COL5A2: variants seen among roughly 807,000 people sequenced by gnomAD.
COL5A2 encodes collagen alpha-2(V) chain.
Under a neutral mutation model 208.2 loss-of-function variants are expected in COL5A2, and 23 were observed. The ratio of observed to expected loss-of-function variants is 0.11; its 90% CI spans 0.08 to 0.16. The LOEUF (loss-of-function observed/expected upper bound fraction) is 0.16. Among genes scored for constraint, COL5A2 ranks in the 10% least tolerant of loss-of-function variants. The probability of loss-of-function intolerance (pLI) is 1.00; values close to 1 mark genes in which losing one functional copy is unlikely to be tolerated. For synonymous variants in COL5A2, 625 were observed against 628.5 expected (o/e 0.99, Z 0.08); for missense variants, 1,590 against 1,956.4 (o/e 0.81, Z 3.53).
chr2:189,392,297 G>A, the COL5A2 span, among the ~76,000 whole-genome samples: 1 of 151,994 alleles, frequency 6.6e-6, no homozygotes, highest in Non-Finnish European at 1.5e-5. Context: ...AACCAGAGCT[G>A]GAAATATCTA....
At chr2:189,433,628 C>A in the COL5A2 span, among the ~76,000 whole-genome samples, 3 of 152,184 alleles carry the variant, frequency 2.0e-5, no homozygotes, top group African/African-American at 7.2e-5. Context: ...CAAGACTAAA[C>A]CAGGAAGAAG....
the COL5A2 span, among the ~76,000 whole-genome samples, chr2:189,275,761 A>AT: frequency 6.6e-6 from 1 of 152,038 alleles, no homozygotes; most frequent in Non-Finnish European, 1.5e-5. Flanking sequence ...TAATTACATT[A>AT]TTTTTCAAAT....
rs755884906 is a variant in COL5A2, at chr2:189,052,160, A to G, written c.2769+12T>C. On this transcript the variant is annotated intron_variant, in intron 41 of 53. Coordinates refer to ENST00000374866, the MANE Select transcript of COL5A2 (RefSeq NM_000393.5). Reference sequence around the variant, plus strand: ...TTCATTATCAGTGACTTGTCTCACTAAGTTGACTTACAGCAGGGCCTGGAG... The same window carrying G: ...TTCATTATCAGTGACTTGTCTCACTGAGTTGACTTACAGCAGGGCCTGGAG... 6.2e-7 allele frequency: 1 copy of G among 1,612,224 alleles called. No individual in the cohort carries two copies. The highest frequency in any genetic ancestry group is 1.1e-5 in the South Asian group (1 of 90,988).
At chr2:189,371,768 T>C in the COL5A2 span, among the ~76,000 whole-genome samples, 107 of 152,328 alleles carry the variant, frequency 7.0e-4, no homozygotes, top group African/African-American at 2.5e-3. Flanking sequence ...AGAACTTATA[T>C]TTAAAAGGGA....
At chr2:189,137,445 G>C (rs944286180) in intron 1 of COL5A2, among the ~76,000 whole-genome samples, 2 of 152,216 alleles carry the variant, frequency 1.3e-5, no homozygotes, top group African/African-American at 4.8e-5. Flanking sequence ...CACAGGATTA[G>C]AGAAATCCAA....
At chr2:189,203,613 GT>G in intron 1 of COL5A2, among the ~76,000 whole-genome samples, 1 of 152,208 alleles carries the variant, frequency 6.6e-6, no homozygotes, top group East Asian at 1.9e-4. Context: ...CAGTTTCATG[GT>G]CGAGGCCACG....
the COL5A2 span, among the ~76,000 whole-genome samples, chr2:189,273,503 A>T: frequency 1.6e-4 from 25 of 152,158 alleles, no homozygotes; most frequent in African/African-American, 5.5e-4. Flanking sequence ...CTGAATATAC[A>T]GCCAAAGGAA....
chr2:189,376,161 T>G, the COL5A2 span, among the ~76,000 whole-genome samples: 2 of 152,234 alleles, frequency 1.3e-5, no homozygotes, highest in Non-Finnish European at 2.9e-5. Flanking sequence ...ATACTTAAAA[T>G]TTTTGCATAT....
chr2:189,218,720 T>TGA (rs2105876192), intron 1 of COL5A2, among the ~76,000 whole-genome samples: 1 of 152,312 alleles, frequency 6.6e-6, no homozygotes, highest in Non-Finnish European at 1.5e-5. Context: ...TGGAAAATTC[T>TGA]TCCAGTCATC....
the COL5A2 span, among the ~76,000 whole-genome samples, chr2:189,383,424 C>G: frequency 1.2e-3 from 183 of 152,248 alleles, 1 homozygote; most frequent in Non-Finnish European, 2.3e-3. Flanking sequence ...TTAATTACCA[C>G]TTTAACGACC....
the COL5A2 span, among the ~76,000 whole-genome samples, chr2:189,286,989 T>A: frequency 7.4e-4 from 112 of 152,236 alleles, no homozygotes; most frequent in African/African-American, 2.6e-3. Context: ...TTTAGAGTAA[T>A]ATCATAGTAT....
chr2:189,216,974 C>A (rs1689286870), intron 1 of COL5A2, among the ~76,000 whole-genome samples: 1 of 151,632 alleles, frequency 6.6e-6, no homozygotes, highest in Non-Finnish European at 1.5e-5. Context: ...AGGTAACTCT[C>A]AAAAGAGGAT....
the COL5A2 span, among the ~76,000 whole-genome samples, chr2:189,396,689 AAAG>A: frequency 7.9e-6 from 1 of 126,184 alleles, no homozygotes; most frequent in Non-Finnish European, 1.7e-5. Context: ...AAAAAAAAAA[AAAG>A]AATAAATGAG....
At chr2:189,160,714 T>C (rs921309192) in intron 1 of COL5A2, among the ~76,000 whole-genome samples, 2 of 152,154 alleles carry the variant, frequency 1.3e-5, no homozygotes, top group African/African-American at 4.8e-5. Flanking sequence ...TCTTCCTACC[T>C]TCCATTCTAT....
chr2:189,325,818 C>CA, the COL5A2 span, among the ~76,000 whole-genome samples: 2 of 151,996 alleles, frequency 1.3e-5, no homozygotes, highest in African/African-American at 4.8e-5. Context: ...GTTAGAAGGC[C>CA]AGGCGCAGTG....
chr2:189,104,897 T>C (rs1046968803), intron 2 of COL5A2, among the ~76,000 whole-genome samples: 8 of 151,828 alleles, frequency 5.3e-5, no homozygotes, highest in South Asian at 2.1e-4. Flanking sequence ...CTCATCAGTA[T>C]ATAGTTTCTT....
the COL5A2 span, among the ~76,000 whole-genome samples, chr2:189,302,371 C>T: frequency 6.6e-6 from 1 of 152,086 alleles, no homozygotes; most frequent in Admixed American, 6.6e-5. Flanking sequence ...GCTTAAGAAG[C>T]CAGCTCCGTA....
chr2:189,322,504 G>A, the COL5A2 span, among the ~76,000 whole-genome samples: 5 of 152,200 alleles, frequency 3.3e-5, no homozygotes, highest in Admixed American at 1.3e-4. Context: ...TATCACCACC[G>A]ATCCCACAGA....
At chr2:189,174,219 G>A (rs1389238908) in intron 1 of COL5A2, among the ~76,000 whole-genome samples, 1 of 152,164 alleles carries the variant, frequency 6.6e-6, no homozygotes, top group Non-Finnish European at 1.5e-5. Flanking sequence ...ATGAATTTCA[G>A]GCCTGTAGCG....
Sources: allele counts gnomAD v4.1 joint callset (sites outside exome capture counted in the v4.1 genomes callset), GRCh38; gene constraint gnomAD v4.1.1; transcripts MANE v1.5; gene names NCBI Gene and HGNC (gene_info 2026-07-23, HGNC 2026-07-21).